MAGI1: variants seen among roughly 807,000 people sequenced by gnomAD.
MAGI1 encodes the protein membrane-associated guanylate kinase, WW and PDZ domain-containing protein 1.
MAGI1 carries 58 observed loss-of-function variants against 139.9 expected under a neutral mutation model. The ratio of observed to expected loss-of-function variants is 0.41; its 90% CI spans 0.34 to 0.52. The LOEUF is 0.52. Ranked by LOEUF, MAGI1 falls within the 20% of genes least tolerant of loss-of-function variation. The pLI, the probability that MAGI1 is intolerant of heterozygous loss-of-function variation, is 0.12. For missense variants in MAGI1, 1,874 were observed against 1,901.6 expected, an observed-to-expected ratio of 0.99 and a Z score of 0.27; for synonymous variants, 812 against 737.9, an observed-to-expected ratio of 1.10 and a Z score of -1.63.
chr3:65,830,700 T>C (rs2042475221), intron 1 of MAGI1, among the ~76,000 whole-genome samples: 1 of 152,178 alleles, frequency 6.6e-6, no homozygotes, highest in African/African-American at 2.4e-5. Context: ...ATTTTAATAA[T>C]CAGATGTGTC....
At chr3:65,765,258 G>A (rs973554719) in intron 1 of MAGI1, among the ~76,000 whole-genome samples, 1 of 152,154 alleles carries the variant, frequency 6.6e-6, no homozygotes, top group East Asian at 1.9e-4. Flanking sequence ...GTCTGGTTTT[G>A]GGAATGAACC....
intron 2 of MAGI1, among the ~76,000 whole-genome samples, chr3:65,583,298 C>T (rs2081524675): frequency 6.6e-6 from 1 of 152,146 alleles, no homozygotes; most frequent in Non-Finnish European, 1.5e-5. Context: ...TTTTGAAAGT[C>T]TTCTAACCTA....
chr3:65,804,617 A>G (rs1175199602), intron 1 of MAGI1, among the ~76,000 whole-genome samples: 1 of 152,172 alleles, frequency 6.6e-6, no homozygotes, highest in Non-Finnish European at 1.5e-5. Flanking sequence ...ATCATGAACT[A>G]TAGCAAGTGG....
intron 2 of MAGI1, among the ~76,000 whole-genome samples, chr3:65,611,888 T>A (rs1198197195): frequency 6.6e-6 from 1 of 151,836 alleles, no homozygotes; most frequent in Non-Finnish European, 1.5e-5. Flanking sequence ...AGTTTCCTCA[T>A]CAGTGAAGAT....
At chr3:65,828,676 T>C (rs2042359113) in intron 1 of MAGI1, among the ~76,000 whole-genome samples, 1 of 152,182 alleles carries the variant, frequency 6.6e-6, no homozygotes, top group Admixed American at 6.5e-5. Flanking sequence ...CAACTGCAAA[T>C]GTGTTACCTT....
intron 7 of MAGI1, among the ~76,000 whole-genome samples, chr3:65,444,266 G>A (rs557740380): frequency 6.6e-6 from 1 of 152,002 alleles, no homozygotes; most frequent in Non-Finnish European, 1.5e-5. Flanking sequence ...TGAGTCTTGC[G>A]GACCGATGCA....
intron 1 of MAGI1, among the ~76,000 whole-genome samples, chr3:66,006,649 T>C (rs2067029224): frequency 6.6e-6 from 1 of 152,224 alleles, no homozygotes; most frequent in African/African-American, 2.4e-5. Flanking sequence ...AGGAGGTTTC[T>C]AATGATGTCA....
intron 1 of MAGI1, among the ~76,000 whole-genome samples, chr3:65,967,785 C>A (rs1027078956): frequency 6.6e-6 from 1 of 152,194 alleles, no homozygotes; most frequent in Admixed American, 6.5e-5. Context: ...TTCAACTTCT[C>A]AGGCTCTATA....
intron 1 of MAGI1, among the ~76,000 whole-genome samples, chr3:65,989,318 T>C (rs558247307): frequency 7.9e-5 from 12 of 152,352 alleles, no homozygotes; most frequent in Middle Eastern, 6.8e-3. Flanking sequence ...ACGCTAGACT[T>C]GTCCAATGAA....
chr3:65,894,932 C>T (rs264672), intron 1 of MAGI1, among the ~76,000 whole-genome samples: 23,772 of 152,178 alleles, frequency 0.16, 4,441 homozygotes, highest in African/African-American at 0.45. Flanking sequence ...GAATGTTTAC[C>T]GTTGTCATGG....
At chr3:65,376,285 C>G (rs988249195) in intron 17 of MAGI1, among the ~76,000 whole-genome samples, 1 of 152,162 alleles carries the variant, frequency 6.6e-6, no homozygotes, top group African/African-American at 2.4e-5. Context: ...ACTGGCTGTT[C>G]GCTTATTTTG....
chr3:66,021,161 C>T (rs1434821406), intron 1 of MAGI1, among the ~76,000 whole-genome samples: 2 of 152,182 alleles, frequency 1.3e-5, no homozygotes, highest in Non-Finnish European at 2.9e-5. Context: ...TAGATTTAAA[C>T]TGTGTGTCAG....
intron 2 of MAGI1, among the ~76,000 whole-genome samples, chr3:65,517,677 A>G (rs549482788): frequency 4.1e-4 from 63 of 152,176 alleles, no homozygotes; most frequent in Admixed American, 8.5e-4. Flanking sequence ...GTCTCATCGC[A>G]TCCTAAGAGG....
chr3:65,672,428 A>C (rs373467411), intron 1 of MAGI1, among the ~76,000 whole-genome samples: 1 of 152,200 alleles, frequency 6.6e-6, no homozygotes, highest in Non-Finnish European at 1.5e-5. Flanking sequence ...TTTTTAAAAA[A>C]TTTTACTAAT....
At chr3:65,815,032 T>C (rs2108219817) in intron 1 of MAGI1, among the ~76,000 whole-genome samples, 1 of 148,494 alleles carries the variant, frequency 6.7e-6, no homozygotes, top group Admixed American at 6.7e-5. Flanking sequence ...ACAGCAGCTG[T>C]ATTTCTAAGT....
At chr3:65,771,253 G>A (rs1011886471) in intron 1 of MAGI1, among the ~76,000 whole-genome samples, 24 of 151,692 alleles carry the variant, frequency 1.6e-4, no homozygotes, top group African/African-American at 4.4e-4. Flanking sequence ...GTTGCAGTGA[G>A]CCGAGATTGC....
intron 1 of MAGI1, among the ~76,000 whole-genome samples, chr3:65,921,789 G>T (rs1431294854): frequency 6.6e-6 from 1 of 151,920 alleles, no homozygotes; most frequent in Non-Finnish European, 1.5e-5. Context: ...AAAAGTTAAA[G>T]GAACACAGAA....
At chr3:65,788,607 G>A (rs904857631) in intron 1 of MAGI1, among the ~76,000 whole-genome samples, 28 of 152,222 alleles carry the variant, frequency 1.8e-4, no homozygotes, top group Admixed American at 1.3e-3. Context: ...AAGACCCTCT[G>A]TGGCAATAAA....
chr3:65,543,414 G>A (rs2079341651), intron 2 of MAGI1, among the ~76,000 whole-genome samples: 1 of 152,038 alleles, frequency 6.6e-6, no homozygotes, highest in African/African-American at 2.4e-5. Flanking sequence ...TATACCCAAA[G>A]GATTATAAAT....
Sources: allele counts gnomAD v4.1 joint callset (sites outside exome capture counted in the v4.1 genomes callset), GRCh38; gene constraint gnomAD v4.1.1; transcripts MANE v1.5; gene names NCBI Gene and HGNC (gene_info 2026-07-23, HGNC 2026-07-21).